The following UNC5D variants were observed in gnomAD, a reference collection of about 807,000 sequenced individuals.
UNC5D encodes the protein netrin receptor UNC5D.
A neutral mutation model predicts 105.4 loss-of-function variants in UNC5D; 39 were observed. The ratio of observed to expected loss-of-function variants is 0.37; its 90% CI spans 0.29 to 0.48. The LOEUF is 0.48. Among genes scored for constraint, UNC5D ranks in the 20% least tolerant of loss-of-function variants. UNC5D has a pLI of 0.98. For synonymous variants in UNC5D, 452 were observed against 450.4 expected (o/e 1.00, Z -0.04); for missense variants, 991 against 1,202.4 (o/e 0.82, Z 2.60).
chr8:35,687,798 A>C (rs1213157169), intron 7 of UNC5D, among the ~76,000 whole-genome samples: 3 of 152,174 alleles, frequency 2.0e-5, no homozygotes, highest in Non-Finnish European at 4.4e-5. Flanking sequence ...ATAAAATAAC[A>C]TATTTGAATG....
intron 4 of UNC5D, among the ~76,000 whole-genome samples, chr8:35,600,513 T>C (rs1819793459): frequency 6.6e-6 from 1 of 152,240 alleles, no homozygotes; most frequent in South Asian, 2.1e-4. Flanking sequence ...CGTGAGATTC[T>C]AATTGTGGTT....
At chr8:35,631,101 T>C (rs1401185972) in intron 4 of UNC5D, among the ~76,000 whole-genome samples, 1 of 152,148 alleles carries the variant, frequency 6.6e-6, no homozygotes, top group Non-Finnish European at 1.5e-5. Flanking sequence ...TTGCCTGAGC[T>C]CAGGAGTTCG....
intron 15 of UNC5D, among the ~76,000 whole-genome samples, chr8:35,773,092 G>C (rs969662806): frequency 1.3e-5 from 2 of 152,104 alleles, no homozygotes; most frequent in Non-Finnish European, 2.9e-5. Flanking sequence ...TCAGTCAATT[G>C]ATTAGGGACA....
At chr8:35,380,091 G>GGGT (rs1554519179) in intron 1 of UNC5D, among the ~76,000 whole-genome samples, 1 of 108,688 alleles carries the variant, frequency 9.2e-6, no homozygotes, top group African/African-American at 3.4e-5. Context: ...TGGGGGTGGG[G>GGGT]GGGGGGTCGG....
chr8:35,420,790 A>G (rs1360733667), intron 1 of UNC5D, among the ~76,000 whole-genome samples: 1 of 151,788 alleles, frequency 6.6e-6, no homozygotes, highest in Non-Finnish European at 1.5e-5. Flanking sequence ...GTGTTGGAAT[A>G]AAGTATATAT....
At chr8:35,328,216 T>A (rs1810322466) in intron 1 of UNC5D, among the ~76,000 whole-genome samples, 1 of 81,244 alleles carries the variant, frequency 1.2e-5, no homozygotes, top group Admixed American at 1.7e-4. Context: ...TTAACAAAGA[T>A]TTACTTTATT....
chr8:35,656,484 A>G (rs1383004689), intron 4 of UNC5D, among the ~76,000 whole-genome samples: 56 of 152,364 alleles, frequency 3.7e-4, no homozygotes, highest in Admixed American at 2.0e-3. Context: ...CATCCAAGGG[A>G]AAAGCATTAA....
chr8:35,522,543 A>T (rs1483199500), intron 1 of UNC5D, among the ~76,000 whole-genome samples: 1 of 152,212 alleles, frequency 6.6e-6, no homozygotes, highest in African/African-American at 2.4e-5. Context: ...TCTAGAAGAA[A>T]AATCATTTAA....
chr8:35,505,292 C>A (rs937199162), intron 1 of UNC5D, among the ~76,000 whole-genome samples: 3 of 152,094 alleles, frequency 2.0e-5, no homozygotes, highest in African/African-American at 7.2e-5. Context: ...AAAATTATCC[C>A]AAAATAAATG....
At chr8:35,624,688 C>G (rs1821594497) in intron 4 of UNC5D, among the ~76,000 whole-genome samples, 1 of 152,178 alleles carries the variant, frequency 6.6e-6, no homozygotes, top group South Asian at 2.1e-4. Context: ...CTACTTGACA[C>G]ATCATTTTAA....
In UNC5D at chr8:35,532,949, T is replaced by G. The variant is rs1481905997; in HGVS notation, c.104-16343T>G. On this transcript the variant is annotated intron_variant, in intron 1 of 16. Coordinates refer to ENST00000404895, the MANE Select transcript of UNC5D (RefSeq NM_080872.4). ...TGGTTATTCTAGTTATACATTCTTC[T>G]AAATTTTTTTCAAAGTTTTCAACTT... 2.3e-3 allele frequency among the ~76,000 whole-genome samples: 304 copies of G among 131,776 alleles called. 3 individuals carry two copies. Among genetic ancestry groups the G allele is most frequent in the African/African-American group, 8.8e-3 (289 of 32,874 alleles). 86.5% of individuals were successfully genotyped at this position (131,776 alleles called of 152,430 possible). A position where few individuals can be genotyped will look rare whatever the true frequency, so the allele number is the denominator to read the frequency against.
intron 4 of UNC5D, among the ~76,000 whole-genome samples, chr8:35,629,178 T>G (rs1336064706): frequency 6.6e-6 from 1 of 152,146 alleles, no homozygotes; most frequent in Non-Finnish European, 1.5e-5. Flanking sequence ...AGTCCAAGAG[T>G]AGAAAGCTAC....
chr8:35,776,959 A>G (rs146210448), intron 16 of UNC5D, among the ~76,000 whole-genome samples: 1 of 152,272 alleles, frequency 6.6e-6, no homozygotes, highest in Non-Finnish European at 1.5e-5. Flanking sequence ...TGTATCTACA[A>G]AGAATTAACA....
At chr8:35,506,011 T>C (rs527981886) in intron 1 of UNC5D, among the ~76,000 whole-genome samples, 1 of 152,370 alleles carries the variant, frequency 6.6e-6, no homozygotes, top group Admixed American at 6.5e-5. Context: ...CTATTGTCAT[T>C]ATTTTCAATT....
intron 7 of UNC5D, among the ~76,000 whole-genome samples, chr8:35,702,417 G>T (rs1007656474): frequency 2.6e-5 from 4 of 152,002 alleles, no homozygotes; most frequent in African/African-American, 7.2e-5. Context: ...TGTTTGAAAA[G>T]CTCCCCAGGT....
chr8:35,759,490 T>C, intron 14 of UNC5D, 21 bp downstream of exon 14: 1 of 1,600,710 alleles, frequency 6.2e-7, no homozygotes, highest in Non-Finnish European at 8.5e-7. Flanking sequence ...AATGGGTTTC[T>C]AACAGAAACG....
chr8:35,283,827 C>T (rs1420838724), intron 1 of UNC5D, among the ~76,000 whole-genome samples: 1 of 151,612 alleles, frequency 6.6e-6, no homozygotes, highest in Admixed American at 6.6e-5. Context: ...CTCATACCCA[C>T]GTCCTAACTT....
intron 15 of UNC5D, among the ~76,000 whole-genome samples, chr8:35,772,696 C>A (rs1158664728): frequency 6.6e-6 from 1 of 152,130 alleles, no homozygotes; most frequent in Non-Finnish European, 1.5e-5. Context: ...TGCTACATAA[C>A]AAACTACCAC....
At chr8:35,530,033 T>G (rs1220866332) in intron 1 of UNC5D, among the ~76,000 whole-genome samples, 2 of 150,404 alleles carry the variant, frequency 1.3e-5, no homozygotes, top group African/African-American at 4.9e-5. Flanking sequence ...TGAATACCCT[T>G]TATTTCCTTC....
Sources: gnomAD v4.1 joint callset for allele counts (sites outside exome capture counted in the v4.1 genomes callset) on GRCh38, gnomAD v4.1.1 for gene constraint, MANE v1.5 for transcripts, NCBI Gene and HGNC (gene_info 2026-07-23, HGNC 2026-07-21) for gene names.